PCSK5: variants seen among roughly 807,000 people sequenced by gnomAD.
PCSK5 encodes proprotein convertase subtilisin/kexin type 5, also known as prohormone convertase 5.
A neutral mutation model predicts 233.2 loss-of-function variants in PCSK5; 129 were observed. That is an observed-to-expected ratio of 0.55 (90% CI 0.48 to 0.64). PCSK5 has a LOEUF of 0.64. PCSK5 is among the 30% of genes least tolerant of loss of function. PCSK5 has a pLI of 0.00. For missense variants in PCSK5, 2,076 were observed against 2,430.1 expected, an observed-to-expected ratio of 0.85 and a Z score of 3.06; for synonymous variants, 825 against 879.2, an observed-to-expected ratio of 0.94 and a Z score of 1.09.
At chr9:76,346,501 C>T (rs191259560) in intron 35 of PCSK5, among the ~76,000 whole-genome samples, 12 of 152,218 alleles carry the variant, frequency 7.9e-5, no homozygotes, top group African/African-American at 2.2e-4. Flanking sequence ...GACATCAACC[C>T]GTGAACTTGC....
chr9:75,940,425 T>C (rs916982346), intron 2 of PCSK5, among the ~76,000 whole-genome samples: 11 of 152,218 alleles, frequency 7.2e-5, no homozygotes, highest in Non-Finnish European at 1.5e-4. Context: ...CTGAAGAGAA[T>C]TTAAAGCAGA....
chr9:76,309,867 T>C (rs981306), intron 29 of PCSK5, among the ~76,000 whole-genome samples: 2,069 of 152,146 alleles, frequency 0.014, 41 homozygotes, highest in African/African-American at 0.048. Flanking sequence ...GAATCTTGGG[T>C]GTGAGAGTGA....
intron 5 of PCSK5, among the ~76,000 whole-genome samples, chr9:76,060,397 A>G (rs1587567751): frequency 6.6e-6 from 1 of 152,200 alleles, no homozygotes; most frequent in African/African-American, 2.4e-5. Context: ...TTATTTTAGT[A>G]TTCATTAAGT....
intron 24 of PCSK5, among the ~76,000 whole-genome samples, chr9:76,277,605 C>T (rs1405997639): frequency 1.3e-5 from 2 of 152,188 alleles, no homozygotes; most frequent in African/African-American, 4.8e-5. Flanking sequence ...ATTTGCATTA[C>T]TGCCGATTCA....
At chr9:76,333,220 G>A (rs1829585385) in intron 34 of PCSK5, among the ~76,000 whole-genome samples, 1 of 152,172 alleles carries the variant, frequency 6.6e-6, no homozygotes, top group Non-Finnish European at 1.5e-5. Flanking sequence ...GCAATCACAA[G>A]GCAGAAGCAA....
intron 1 of PCSK5, among the ~76,000 whole-genome samples, chr9:75,928,154 G>A (rs1823583794): frequency 6.6e-6 from 1 of 152,116 alleles, no homozygotes; most frequent in Non-Finnish European, 1.5e-5. Flanking sequence ...AGGGCTAAGA[G>A]GGAAGAAATT....
chr9:76,321,633 T>C lies in PCSK5; in HGVS notation c.4096T>C (p.Cys1366Arg), dbSNP rs1829208345. The C allele has an allele frequency of 3.1e-6, 5 of 1,608,086 alleles. No homozygotes were observed. Among genetic ancestry groups the C allele is most frequent in the Non-Finnish European group, 4.3e-6 (5 of 1,175,982 alleles). Residue 1366 changes from cysteine to arginine, a missense_variant, in exon 31 of 38, where the codon TGC (cysteine) becomes CGC (arginine). By Grantham distance (180) the Cys-to-Arg change is radical (BLOSUM62 -3). Transcript: ENST00000674117. Reference sequence around the variant, plus strand: ...TCAGGACTGCATCCATGAGAAAACATGCAAAGGTACCTAGGAGCTTCCCAC... The same window carrying C: ...TCAGGACTGCATCCATGAGAAAACACGCAAAGGTACCTAGGAGCTTCCCAC... The part of the protein sequence containing the change: ...MCQDCIHEKT[C>R]KECTPEFFLH...
intron 24 of PCSK5, among the ~76,000 whole-genome samples, chr9:76,242,513 G>T (rs1306491866): frequency 6.6e-6 from 1 of 152,064 alleles, no homozygotes; most frequent in Non-Finnish European, 1.5e-5. Context: ...ATATTTAAGG[G>T]TAAAATGCTA....
At chr9:76,124,949 T>C (rs1832786490) in intron 9 of PCSK5, among the ~76,000 whole-genome samples, 1 of 152,070 alleles carries the variant, frequency 6.6e-6, no homozygotes, top group African/African-American at 2.4e-5. Context: ...TGATTCCTTT[T>C]CCCTGCACTG....
At chr9:76,076,096 G>T (rs1454362570) in intron 7 of PCSK5, among the ~76,000 whole-genome samples, 1 of 152,162 alleles carries the variant, frequency 6.6e-6, no homozygotes, top group Non-Finnish European at 1.5e-5. Context: ...TTTGAACAGA[G>T]ACATAAATGA....
chr9:75,979,700 CTTCT>C (rs1384353744), intron 2 of PCSK5, among the ~76,000 whole-genome samples: 9 of 152,216 alleles, frequency 5.9e-5, no homozygotes, highest in African/African-American at 2.2e-4. Context: ...CCCGTAATAT[CTTCT>C]TTGAGAAATC....
intron 30 of PCSK5, among the ~76,000 whole-genome samples, chr9:76,319,110 AG>A (rs951172394): frequency 1.3e-5 from 2 of 152,178 alleles, no homozygotes; most frequent in African/African-American, 4.8e-5. Flanking sequence ...CAAGGTGGCC[AG>A]GGCACAGCTT....
At chr9:75,998,031 A>G (rs1827096952) in intron 3 of PCSK5, among the ~76,000 whole-genome samples, 1 of 152,202 alleles carries the variant, frequency 6.6e-6, no homozygotes, top group Admixed American at 6.5e-5. Context: ...AACTATGGTC[A>G]GGTAGCACAG....
chr9:76,033,983 T>G (rs909792369), intron 5 of PCSK5, among the ~76,000 whole-genome samples: 12 of 152,164 alleles, frequency 7.9e-5, no homozygotes. Context: ...GATTTTATAT[T>G]CATGAAAGAA....
chr9:76,038,192 C>T (rs1419572876), intron 5 of PCSK5, among the ~76,000 whole-genome samples: 1 of 152,186 alleles, frequency 6.6e-6, no homozygotes, highest in East Asian at 1.9e-4. Flanking sequence ...CATATATAGA[C>T]TCTCATTTTC....
intron 20 of PCSK5, among the ~76,000 whole-genome samples, chr9:76,214,614 A>G (rs1825455758): frequency 1.3e-5 from 2 of 152,172 alleles, no homozygotes; most frequent in African/African-American, 2.4e-5. Flanking sequence ...GCAGTATACA[A>G]TGCCTTTCTC....
intron 29 of PCSK5, among the ~76,000 whole-genome samples, chr9:76,310,053 A>G (rs2257718): frequency 0.92 from 139,328 of 151,996 alleles, 63,914 homozygotes; most frequent in East Asian, 1. Context: ...TCTGAGTCCC[A>G]CCTGTCCAAC....
At chr9:75,929,519 T>C (rs1394210224) in intron 1 of PCSK5, among the ~76,000 whole-genome samples, 1 of 151,648 alleles carries the variant, frequency 6.6e-6, no homozygotes, top group African/African-American at 2.4e-5. Context: ...AGACACAAAC[T>C]ATGAGGAAGA....
rs369605245 is a variant in PCSK5, at chr9:76,355,468, G to A, written c.5254+1249G>A. 4.2e-4 allele frequency among the ~76,000 whole-genome samples: 63 copies of A among 151,536 alleles called. 1 individual carries two copies. In the South Asian group the frequency reaches 9.8e-3, roughly 24 times the overall value. ...AGCCTGGGTGACAGAGCGAGACTCCGTCTCAAAAAAAGAAAAGAAAAGAAA... is the reference window on the plus strand; with the variant it reads ...AGCCTGGGTGACAGAGCGAGACTCCATCTCAAAAAAAGAAAAGAAAAGAAA... On this transcript the variant is annotated intron_variant, in intron 37 of 37. Transcript: ENST00000674117.
Sources: allele counts gnomAD v4.1 joint callset (sites outside exome capture counted in the v4.1 genomes callset), GRCh38; gene constraint gnomAD v4.1.1; transcripts MANE v1.5; gene names NCBI Gene and HGNC (gene_info 2026-07-23, HGNC 2026-07-21).